The following CATSPERE variants were observed in gnomAD, a reference collection of about 807,000 sequenced individuals.
CATSPERE encodes cation channel sperm-associated auxiliary subunit epsilon.
CATSPERE carries 93 observed loss-of-function variants against 114.1 expected under a neutral mutation model. The observed-to-expected ratio is 0.81, with a 90% CI of 0.69 to 0.97. The LOEUF (loss-of-function observed/expected upper bound fraction) is 0.97, where lower values mean the gene tolerates loss of function less well. Ranked by LOEUF, CATSPERE falls within the 50% of genes least tolerant of loss-of-function variation. CATSPERE has a pLI of 0.00. For missense variants in CATSPERE, 1,058 were observed against 1,131.6 expected, an observed-to-expected ratio of 0.93 and a Z score of 0.93; for synonymous variants, 341 against 384.1, an observed-to-expected ratio of 0.89 and a Z score of 1.31.
intron 8 of CATSPERE, among the ~76,000 whole-genome samples, chr1:244,519,161 C>T (rs911974445): frequency 1.3e-5 from 2 of 152,130 alleles, no homozygotes; most frequent in Admixed American, 6.5e-5. Flanking sequence ...GTGCTTTTAA[C>T]TAAAGGATAA....
Position 244,585,076 on chromosome 1 carries a change from T to C in CATSPERE, c.2085+1137T>C, listed in dbSNP as rs530431703. On this transcript the variant is annotated intron_variant, in intron 13 of 21. Transcript: ENST00000366534. ...GCCCTCTCTAATCTATAGAATTTTTTAGGGATCCCTATTCATTCTATCCTG... is the reference window on the plus strand; with the variant it reads ...GCCCTCTCTAATCTATAGAATTTTTCAGGGATCCCTATTCATTCTATCCTG... Among the ~76,000 whole-genome samples the C allele has an allele frequency of 5.2e-4, 74 of 143,176 alleles. 3 individuals are homozygous for C. The South Asian group carries it at 0.016, about 31-fold the overall frequency. The allele number at this position is 143,176 out of a possible 152,430, so 93.9% of individuals were successfully genotyped here.
chr1:244,489,784 G>C (rs986119289), intron 5 of CATSPERE, among the ~76,000 whole-genome samples: 1 of 151,968 alleles, frequency 6.6e-6, no homozygotes, highest in Non-Finnish European at 1.5e-5. Flanking sequence ...CTTTACGCCT[G>C]AGTTGCTTTA....
chr1:244,481,686 G>A (rs1572311302), intron 5 of CATSPERE, among the ~76,000 whole-genome samples: 1 of 152,114 alleles, frequency 6.6e-6, no homozygotes, highest in Non-Finnish European at 1.5e-5. Flanking sequence ...TGAAGGTCAC[G>A]CCTTTGGGAA....
chr1:244,560,607 A>C, intron 9 of CATSPERE, 61 bp from the exon 10 acceptor site: 1 of 936,296 alleles, frequency 1.1e-6, no homozygotes, highest in Non-Finnish European at 1.5e-6. Flanking sequence ...TAAAAAAGAG[A>C]AATTGTTAGG....
At chr1:244,477,846 G>A (rs1669613481) in intron 3 of CATSPERE, 60 bp from the exon 4 acceptor site, 1 of 1,324,666 alleles carries the variant, frequency 7.5e-7, no homozygotes, top group Non-Finnish European at 1.1e-6. Flanking sequence ...AAATAGTAAG[G>A]GAATTTTATT....
chr1:244,510,302 T>C (rs2148326054), intron 7 of CATSPERE, among the ~76,000 whole-genome samples: 1 of 152,226 alleles, frequency 6.6e-6, no homozygotes, highest in East Asian at 1.9e-4. Flanking sequence ...AATTTTTTAA[T>C]ATATTCTTAA....
intron 13 of CATSPERE, among the ~76,000 whole-genome samples, chr1:244,584,303 G>A (rs990157551): frequency 2.0e-5 from 3 of 152,056 alleles, no homozygotes; most frequent in Non-Finnish European, 4.4e-5. Context: ...GCTTAATTTT[G>A]CAACATTTTA....
At chr1:244,542,655 G>A (rs748340212) in intron 8 of CATSPERE, among the ~76,000 whole-genome samples, 4 of 152,064 alleles carry the variant, frequency 2.6e-5, no homozygotes, top group Non-Finnish European at 4.4e-5. Flanking sequence ...TGCTGTAAAG[G>A]ACATATTTTA....
At chr1:244,631,952 T>C (rs1348842117) in intron 20 of CATSPERE, among the ~76,000 whole-genome samples, 1 of 152,172 alleles carries the variant, frequency 6.6e-6, no homozygotes, top group African/African-American at 2.4e-5. Flanking sequence ...CTCATTGGTA[T>C]TCACCCAAAT....
At chr1:244,474,263 G>T (rs1282687193) in intron 2 of CATSPERE, among the ~76,000 whole-genome samples, 5 of 152,140 alleles carry the variant, frequency 3.3e-5, no homozygotes, top group African/African-American at 1.2e-4. Flanking sequence ...TCGAACTTGT[G>T]ATCTCATGAT....
At chr1:244,586,879 G>A (rs2148629967) in intron 13 of CATSPERE, among the ~76,000 whole-genome samples, 1 of 152,250 alleles carries the variant, frequency 6.6e-6, no homozygotes, top group Middle Eastern at 3.4e-3. Context: ...CCAGGACCCT[G>A]GTTACAAGCA....
chr1:244,635,821 A>G (rs374005506), intron 21 of CATSPERE, among the ~76,000 whole-genome samples: 30 of 152,320 alleles, frequency 2.0e-4, no homozygotes, highest in African/African-American at 4.6e-4. Context: ...TATGAAATCT[A>G]TCTTCCCAAA....
chr1:244,512,123 AT>A (rs1475886335), intron 7 of CATSPERE, among the ~76,000 whole-genome samples: 1 of 152,128 alleles, frequency 6.6e-6, no homozygotes, highest in Non-Finnish European at 1.5e-5. Context: ...ATTTTGTAAA[AT>A]AGCTTTTCTA....
intron 7 of CATSPERE, 77 bp downstream of exon 7, chr1:244,499,156 A>G (rs1673594569): frequency 9.2e-7 from 1 of 1,090,124 alleles, no homozygotes. Flanking sequence ...AAAAATTTAT[A>G]ATCAATAGAC....
intron 11 of CATSPERE, among the ~76,000 whole-genome samples, chr1:244,578,494 C>A (rs1665631817): frequency 6.6e-6 from 1 of 152,004 alleles, no homozygotes; most frequent in Non-Finnish European, 1.5e-5. Flanking sequence ...TACTAACAGC[C>A]TACTGTTGAC....
At chr1:244,501,061 CCCTT>C (rs1298742378) in intron 7 of CATSPERE, among the ~76,000 whole-genome samples, 3 of 152,164 alleles carry the variant, frequency 2.0e-5, no homozygotes, top group Non-Finnish European at 4.4e-5. Flanking sequence ...TCCCTCACAT[CCCTT>C]GTAAGTTGTA....
intron 7 of CATSPERE, among the ~76,000 whole-genome samples, chr1:244,508,410 C>A (rs1413985046): frequency 6.6e-6 from 1 of 151,266 alleles, no homozygotes; most frequent in East Asian, 1.9e-4. Context: ...ACACCATTCT[C>A]CTGCCTCAGC....
Position 244,552,341 on chromosome 1 carries a change from C to G in CATSPERE, c.556C>G (p.Pro186Ala). Residue 186 changes from proline to alanine, a missense_variant, in exon 9 of 22, where the codon CCA (proline) becomes GCA (alanine). By Grantham distance (27) the Pro-to-Ala change is conservative. This residue lies in a region of CATSPERE where 271 missense variants were observed against 225.9 expected (regional missense o/e 1.20). Transcript: ENST00000366534. ...TCTTAGGACCTGGCGTATTGTAGTA[C>G]CAATGACAAAAGATGATGCACTAAA... ...MRRGTWRIVV[P>A]MTKDDALKEI... The G allele has an allele frequency of 1.2e-6, 2 of 1,610,844 alleles. No homozygotes were observed. The highest frequency in any genetic ancestry group is 2.2e-5 in the East Asian group (1 of 44,860).
chr1:244,618,294 A>G (rs1402249989), intron 20 of CATSPERE, among the ~76,000 whole-genome samples: 1 of 152,210 alleles, frequency 6.6e-6, no homozygotes. Context: ...GGAGTCGCAA[A>G]GGAAGGCAGA....
Sources: gnomAD v4.1 joint callset for allele counts (sites outside exome capture counted in the v4.1 genomes callset) on GRCh38, gnomAD v4.1.1 for gene constraint, gnomAD v4.1.1 regional missense constraint, MANE v1.5 for transcripts, NCBI Gene and HGNC (gene_info 2026-07-23, HGNC 2026-07-21) for gene names.